Variants in NCOA3 observed in about 807,000 individuals in gnomAD.
NCOA3 encodes CBP-interacting protein.
NCOA3 carries 51 observed loss-of-function variants against 158.8 expected under a neutral mutation model. The observed-to-expected ratio is 0.32, with a 90% CI of 0.26 to 0.41. The LOEUF (loss-of-function observed/expected upper bound fraction) is 0.41, where lower values mean the gene tolerates loss of function less well. Ranked by LOEUF, NCOA3 falls within the 10% of genes least tolerant of loss-of-function variation. The pLI, the probability that NCOA3 is intolerant of heterozygous loss-of-function variation, is 1.00. For missense variants in NCOA3, 1,510 were observed against 1,746.6 expected (o/e 0.86, Z 2.41); for synonymous variants, 537 against 592.4 (o/e 0.91, Z 1.36).
chr20:47,553,882 A>AT (rs1448990667), intron 1 of NCOA3, among the ~76,000 whole-genome samples: 2 of 152,214 alleles, frequency 1.3e-5, no homozygotes, highest in African/African-American at 4.8e-5. Flanking sequence ...TCTTTATAGC[A>AT]GCATGATTTA....
At chr20:47,648,473 A>AT (rs2086728124) in intron 18 of NCOA3, among the ~76,000 whole-genome samples, 3 of 151,870 alleles carry the variant, frequency 2.0e-5, no homozygotes, top group Middle Eastern at 3.2e-3. Context: ...ATATATATAT[A>AT]AAATTTATTT....
chr20:47,573,036 T>G (rs918008459), intron 1 of NCOA3, among the ~76,000 whole-genome samples: 1 of 152,196 alleles, frequency 6.6e-6, no homozygotes, highest in Non-Finnish European at 1.5e-5. Flanking sequence ...ATTTACTGAT[T>G]AAGTTTACCA....
chr20:47,648,964 A>T (rs1389897031), intron 18 of NCOA3, 41 bp from the exon 19 acceptor site: 1 of 1,290,574 alleles, frequency 7.7e-7, no homozygotes, highest in Non-Finnish European at 1.1e-6. Context: ...TGGCAGACTG[A>T]CGTGCTCTGC....
intron 20 of NCOA3, 117 bp downstream of exon 20, chr20:47,651,393 A>G: frequency 1.4e-6 from 2 of 1,444,224 alleles, no homozygotes; most frequent in Non-Finnish European, 1.8e-6. Context: ...TTTACTTCAC[A>G]AGGAAAACCA....
At chr20:47,557,093 C>G (rs2085019370) in intron 1 of NCOA3, among the ~76,000 whole-genome samples, 1 of 152,166 alleles carries the variant, frequency 6.6e-6, no homozygotes, top group African/African-American at 2.4e-5. Context: ...CATCCTTTTT[C>G]TCCCATCTTT....
chr20:47,503,981 TG>T (rs2083984104), intron 1 of NCOA3, among the ~76,000 whole-genome samples: 2 of 152,152 alleles, frequency 1.3e-5, no homozygotes, highest in African/African-American at 4.8e-5. Flanking sequence ...ATATAGAAGA[TG>T]GGGATTGTGG....
At chr20:47,526,629 C>T (rs919360506) in intron 1 of NCOA3, among the ~76,000 whole-genome samples, 1 of 152,258 alleles carries the variant, frequency 6.6e-6, no homozygotes, top group Non-Finnish European at 1.5e-5. Context: ...GGCGTGGTGG[C>T]ACACGCCTGC....
chr20:47,639,127 A>G lies in NCOA3; in HGVS notation c.2632A>G (p.Met878Val), dbSNP rs767988161. Residue 878 changes from methionine (M) to valine (V), a missense_variant, in exon 14 of 23, where the codon ATG becomes GTG. Met to Val is a conservative substitution (Grantham distance 21, BLOSUM62 1). This residue lies in a region of NCOA3 where 1,017 missense variants were observed against 1,098.3 expected (regional missense o/e 0.93). Transcript: ENST00000371998. ...PPVKNISAFP[M>V]LPKQPMLGGN... ...AGTAAAAAATATCAGTGCTTTCCCC[A>G]TGTTACCAAAGCAACCCATGTTGGG... 2.5e-6 allele frequency: 4 copies of G among 1,614,198 alleles called. No homozygotes were observed. Among genetic ancestry groups the G allele is most frequent in the South Asian group, 1.1e-5 (1 of 91,088 alleles).
chr20:47,619,972 T>C (rs936040984), intron 2 of NCOA3, among the ~76,000 whole-genome samples: 8 of 151,996 alleles, frequency 5.3e-5, no homozygotes, highest in Non-Finnish European at 1.0e-4. Context: ...ATTTTTGTAT[T>C]TTTAGTAGAG....
intron 8 of NCOA3, chr20:47,630,429 C>T (rs1358012743): frequency 6.9e-6 from 1 of 143,998 alleles, no homozygotes; most frequent in Non-Finnish European, 1.5e-5. Context: ...ATGAATATGT[C>T]ATAGAAAGGA....
chr20:47,551,213 G>A (rs920245771), intron 1 of NCOA3, among the ~76,000 whole-genome samples: 2 of 152,134 alleles, frequency 1.3e-5, no homozygotes, highest in Admixed American at 6.6e-5. Context: ...TATCTTGGAA[G>A]TGACTACTTC....
chr20:47,605,546 C>G (rs887372108), intron 2 of NCOA3, among the ~76,000 whole-genome samples: 4 of 151,960 alleles, frequency 2.6e-5, no homozygotes, highest in Non-Finnish European at 5.9e-5. Context: ...TTTTCACCTT[C>G]CTTTCATGAG....
intron 12 of NCOA3, 26 bp downstream of exon 12, chr20:47,636,788 C>T (rs374409030): frequency 3.4e-5 from 53 of 1,539,224 alleles, no homozygotes; most frequent in Non-Finnish European, 4.4e-5. Context: ...TATATTTCAG[C>T]TCATATTTCA....
chr20:47,638,507 T>G (rs1444098630), intron 13 of NCOA3, among the ~76,000 whole-genome samples: 1 of 152,244 alleles, frequency 6.6e-6, no homozygotes, highest in Non-Finnish European at 1.5e-5. Flanking sequence ...TAGCATTATT[T>G]CCTAAACTAG....
In NCOA3 at chr20:47,511,550, T is replaced by TATATATATATATATAC; in HGVS notation, c.-99+9537_-99+9538insATATATATACATATAT. On this transcript the variant is annotated intron_variant, in intron 1 of 22. Transcript: ENST00000371998. Reference sequence around the variant, plus strand: ...ATATATATATATATATATATATATATATATATTTCTTTTTTTTTTTGAGAC... The same window carrying TATATATATATATATAC: ...ATATATATATATATATATATATATATATATATATATATATACATATATTTCTTTTTTTTTTTGAGAC... 1.1e-3 allele frequency among the ~76,000 whole-genome samples: 60 copies of TATATATATATATATAC among 52,262 alleles called. 1 individual carries two copies. Among genetic ancestry groups the TATATATATATATATAC allele is most frequent in the Middle Eastern group, 0.01 (1 of 96 alleles). 34.3% of individuals were successfully genotyped at this position (52,262 alleles called of 152,430 possible). A position where few individuals can be genotyped will look rare whatever the true frequency, so the allele number is the denominator to read the frequency against.
rs2086786218 is a variant in NCOA3, at chr20:47,651,110, G to GCAACAGCAA, written c.3782_3783insACAGCAACA (p.Gln1274_Gln1276dup). 1 of 1,607,230 alleles carries GCAACAGCAA rather than the reference G, an allele frequency of 6.2e-7. No individual in the cohort carries two copies. Among genetic ancestry groups the GCAACAGCAA allele is most frequent in the East Asian group, 2.2e-5 (1 of 44,776 alleles). ...AGCAGCAACAGCAGCAGCAGCAGCA[G>GCAACAGCAA]CAGCAGCAGCAACAGCAACAGCAAC... On this transcript the variant is annotated inframe_insertion, in exon 20 of 23. Transcript: ENST00000371998.
Position 47,639,983 on chromosome 20 carries a change from T to C in NCOA3, c.3012T>C (p.Ser1004=). The C allele has an allele frequency of 1.2e-6, 2 of 1,614,232 alleles. No homozygotes were observed. Among genetic ancestry groups the C allele is most frequent in the Non-Finnish European group, 1.7e-6 (2 of 1,180,046 alleles). The stretch of plus-strand genomic sequence containing the variant: ...ATCCCTATGGCCAAGCAGCAGCATC[T>C]AACCAACTGGGTTCCTGGCCCGATG... ...GANPYGQAAA[S]NQLGSWPDGM... The change falls in exon 16 of 23, where the codon TCT becomes TCC. Residue 1004 remains serine, a synonymous_variant. Transcript: ENST00000371998.
intron 17 of NCOA3, 32 bp from the exon 18 acceptor site, chr20:47,647,041 T>C: frequency 6.3e-7 from 1 of 1,583,348 alleles, no homozygotes. Context: ...TCATAGATGT[T>C]CTTCACTGTT....
At chr20:47,539,821 G>A (rs1026101305) in intron 1 of NCOA3, among the ~76,000 whole-genome samples, 1 of 152,154 alleles carries the variant, frequency 6.6e-6, no homozygotes, top group African/African-American at 2.4e-5. Flanking sequence ...CACCGCACCC[G>A]GCCTATTTTA....
Sources: gnomAD v4.1 joint callset for allele counts (sites outside exome capture counted in the v4.1 genomes callset) on GRCh38, gnomAD v4.1.1 for gene constraint, gnomAD v4.1.1 regional missense constraint, MANE v1.5 for transcripts, NCBI Gene and HGNC (gene_info 2026-07-23, HGNC 2026-07-21) for gene names.